NAV3: variants seen among roughly 807,000 people sequenced by gnomAD.
NAV3 encodes pore membrane and/or filament interacting like protein 1.
NAV3 carries 87 observed loss-of-function variants against 244.7 expected under a neutral mutation model. The observed-to-expected ratio is 0.36, with a 90% confidence interval of 0.30 to 0.42. NAV3 has a LOEUF of 0.42. Among genes scored for constraint, NAV3 ranks in the 20% least tolerant of loss-of-function variants. NAV3 has a pLI of 1.00. For synonymous variants in NAV3, 1,126 were observed against 1,042.2 expected, an observed-to-expected ratio of 1.08 and a Z score of -1.55; for missense variants, 2,663 against 2,893.3, an observed-to-expected ratio of 0.92 and a Z score of 1.83.
intron 16 of NAV3, among the ~76,000 whole-genome samples, chr12:78,124,790 A>G (rs953662605): frequency 6.6e-6 from 1 of 152,050 alleles, no homozygotes; most frequent in Non-Finnish European, 1.5e-5. Flanking sequence ...GTATTCCTAC[A>G]TTAAAATGGC....
At chr12:78,156,160 G>T (rs940811874) in intron 22 of NAV3, among the ~76,000 whole-genome samples, 4 of 151,910 alleles carry the variant, frequency 2.6e-5, no homozygotes, top group African/African-American at 9.7e-5. Flanking sequence ...TCCATCTTGG[G>T]TTAATTTTTG....
chr12:77,892,754 C>G (rs1884097495), intron 1 of NAV3, among the ~76,000 whole-genome samples: 1 of 152,146 alleles, frequency 6.6e-6, no homozygotes, highest in Non-Finnish European at 1.5e-5. Context: ...CATTTACTGG[C>G]TGTAGATTTT....
intron 1 of NAV3, among the ~76,000 whole-genome samples, chr12:77,900,916 A>G (rs956210560): frequency 2.0e-5 from 3 of 152,286 alleles, no homozygotes; most frequent in East Asian, 3.9e-4. Flanking sequence ...CTTTTTCATA[A>G]TAGCCATTCT....
intron 2 of NAV3, among the ~76,000 whole-genome samples, chr12:77,804,554 T>C (rs1871875697): frequency 6.6e-6 from 1 of 152,208 alleles, no homozygotes; most frequent in South Asian, 2.1e-4. Context: ...ACCAGTACCA[T>C]GCAGTTTTGG....
intron 1 of NAV3, among the ~76,000 whole-genome samples, chr12:77,850,905 G>T (rs976367565): frequency 2.0e-5 from 3 of 152,114 alleles, no homozygotes; most frequent in Non-Finnish European, 4.4e-5. Flanking sequence ...CCCTCTGTTG[G>T]CAACTATTGC....
chr12:77,706,360 ACTTGTC>A (rs911722802), intron 2 of NAV3, among the ~76,000 whole-genome samples: 1 of 151,440 alleles, frequency 6.6e-6, no homozygotes, highest in African/African-American at 2.4e-5. Flanking sequence ...ACTATGAGAT[ACTTGTC>A]TCTTTTCCAC....
intron 23 of NAV3, among the ~76,000 whole-genome samples, chr12:78,163,192 G>A (rs753766771): frequency 4.6e-5 from 7 of 151,604 alleles, no homozygotes; most frequent in African/African-American, 9.7e-5. Flanking sequence ...CAATCACATG[G>A]CATTAATAGC....
chr12:77,789,758 T>A (rs1281723671), intron 2 of NAV3, among the ~76,000 whole-genome samples: 1 of 137,632 alleles, frequency 7.3e-6, no homozygotes, highest in East Asian at 2.1e-4. Context: ...TGCAGTGAGC[T>A]GAGATCGTGC....
chr12:77,890,230 G>A (rs768297696), intron 1 of NAV3, among the ~76,000 whole-genome samples: 13 of 152,188 alleles, frequency 8.5e-5, no homozygotes, highest in Non-Finnish European at 1.5e-4. Context: ...TAGCTGAGAC[G>A]ACAGGTGCCT....
rs189291312 is a variant in NAV3, at chr12:78,112,670, G to A, written c.2637-4102G>A. Among the ~76,000 whole-genome samples the A allele has an allele frequency of 3.2e-3, 481 of 152,146 alleles. 1 individual carries two copies. The highest frequency in any genetic ancestry group is 5.8e-3 in the Admixed American group (89 of 15,276). ...CACCAGGTCCCTCCCACAACACATG[G>A]GGCTTATGGGAACTACAATTCAAGA... On this transcript the variant is annotated intron_variant, in intron 12 of 39. Transcript: ENST00000397909.
At chr12:77,607,780 C>T (rs1870736853) in intron 2 of NAV3, among the ~76,000 whole-genome samples, 1 of 152,066 alleles carries the variant, frequency 6.6e-6, no homozygotes, top group Non-Finnish European at 1.5e-5. Context: ...TAACTGTTTT[C>T]ATTTGCATGT....
Position 77,831,219 on chromosome 12 carries a change from AAG to A in NAV3, c.-227_-226del, listed in dbSNP as rs1437775874. The A allele has an allele frequency of 5.2e-3, 763 of 146,006 alleles. No homozygotes were observed. Among genetic ancestry groups the A allele is most frequent in the Middle Eastern group, 0.016 (6 of 384 alleles). The allele number at this position is 146,006 out of a possible 1,614,324, so 9.0% of individuals were successfully genotyped here. ...ACAGAGAGAGAGAGAGAGAGAGAGA[AAG>A]AGAGAGAGAGAGAGAATGAGAATGA... On this transcript the variant is annotated 5_prime_UTR_variant, in exon 1 of 40. Transcript: ENST00000397909.
intron 2 of NAV3, among the ~76,000 whole-genome samples, chr12:77,809,376 A>G (rs1277593802): frequency 6.6e-6 from 1 of 152,142 alleles, no homozygotes; most frequent in Non-Finnish European, 1.5e-5. Context: ...GCTGGAATGC[A>G]CCTTTCCTCA....
At chr12:77,895,774 T>C (rs1289312025) in intron 1 of NAV3, among the ~76,000 whole-genome samples, 12 of 150,596 alleles carry the variant, frequency 8.0e-5, no homozygotes, top group Admixed American at 6.6e-4. Flanking sequence ...TGGAAACATT[T>C]ACCCAAATGT....
intron 2 of NAV3, among the ~76,000 whole-genome samples, chr12:77,686,640 A>G (rs1252769585): frequency 2.0e-5 from 3 of 151,834 alleles, no homozygotes; most frequent in Non-Finnish European, 4.4e-5. Flanking sequence ...GTATTATTTC[A>G]TTTCATTATT....
chr12:78,087,594 A>T (rs1953703861), intron 12 of NAV3, among the ~76,000 whole-genome samples: 1 of 152,054 alleles, frequency 6.6e-6, no homozygotes, highest in Non-Finnish European at 1.5e-5. Flanking sequence ...AGTGTGTTAT[A>T]ATCTAGCAAT....
At chr12:77,974,433 C>G (rs1394190347) in intron 5 of NAV3, among the ~76,000 whole-genome samples, 3 of 151,682 alleles carry the variant, frequency 2.0e-5, no homozygotes, top group Non-Finnish European at 4.4e-5. Flanking sequence ...AGGTGCCCAC[C>G]ACCACGGCCA....
At chr12:77,598,455 G>T (rs1000108597) in intron 2 of NAV3, among the ~76,000 whole-genome samples, 13 of 151,936 alleles carry the variant, frequency 8.6e-5, no homozygotes, top group African/African-American at 3.1e-4. Flanking sequence ...TAGCGGAAGT[G>T]GAATTGTTAG....
intron 2 of NAV3, among the ~76,000 whole-genome samples, chr12:77,649,798 T>C (rs2136985442): frequency 6.6e-6 from 1 of 152,308 alleles, no homozygotes; most frequent in Middle Eastern, 3.4e-3. Context: ...TGAAAGTAAA[T>C]GATTTAATCG....
Sources: allele counts gnomAD v4.1 joint callset (sites outside exome capture counted in the v4.1 genomes callset), GRCh38; gene constraint gnomAD v4.1.1; transcripts MANE v1.5; gene names NCBI Gene and HGNC (gene_info 2026-07-23, HGNC 2026-07-21).